Variants in PDXK observed in about 807,000 individuals in gnomAD.
PDXK encodes the protein epididymis secretory sperm binding protein Li 1a.
PDXK carries 15 observed loss-of-function variants against 43.2 expected under a neutral mutation model. That is an observed-to-expected ratio of 0.35 (90% CI 0.23 to 0.53). The LOEUF is 0.53. Among genes scored for constraint, PDXK ranks in the 20% least tolerant of loss-of-function variants. The pLI is 0.92. For synonymous variants in PDXK, 172 were observed against 165.4 expected (o/e 1.04, Z -0.31); for missense variants, 343 against 417.0 (o/e 0.82, Z 1.54).
At chr21:43,747,438 G>A (rs1346708165) in intron 5 of PDXK, among the ~76,000 whole-genome samples, 4 of 152,272 alleles carry the variant, frequency 2.6e-5, no homozygotes, top group Admixed American at 2.0e-4. Context: ...CACAGGGCAC[G>A]CCTGGGCCTG....
chr21:43,731,366 G>C (rs1034651076), intron 1 of PDXK, among the ~76,000 whole-genome samples: 1 of 152,244 alleles, frequency 6.6e-6, no homozygotes, highest in Non-Finnish European at 1.5e-5. Flanking sequence ...ATGGGAGAGA[G>C]ATCTCATCAC....
chr21:43,738,837 CT>C (rs2147250871), intron 2 of PDXK: 1 of 152,530 alleles, frequency 6.6e-6, no homozygotes, highest in South Asian at 2.1e-4. Context: ...AGTGACTGTA[CT>C]CAATAAATAG....
chr21:43,741,621 G>A (rs2083531919), intron 2 of PDXK, 46 bp from the exon 3 acceptor site: 9 of 1,597,374 alleles, frequency 5.6e-6, no homozygotes, highest in East Asian at 4.5e-5. Context: ...CACGGCCCCA[G>A]CTGGCCCCCT....
In PDXK at chr21:43,734,297, G is replaced by A. The variant is rs2083369481; in HGVS notation, c.142+174G>A. Among the ~76,000 whole-genome samples, 1 of 152,144 alleles carries A rather than the reference G, an allele frequency of 6.6e-6. No individual in the cohort carries two copies. The highest frequency in any genetic ancestry group is 2.4e-5 in the African/African-American group (1 of 41,430). ...GGCAGAGCCTGCACAGCATATCAGGGTGTAGGCCTGGGTGGCCTCGCCTCT... is the reference window on the plus strand; with the variant it reads ...GGCAGAGCCTGCACAGCATATCAGGATGTAGGCCTGGGTGGCCTCGCCTCT... On this transcript the variant is annotated intron_variant, in intron 2 of 10. Coordinates refer to ENST00000291565, the MANE Select transcript of PDXK (RefSeq NM_003681.5). The surrounding 1 kb of genome is among the most constrained non-coding windows in gnomAD (Gnocchi z 5.0).
At chr21:43,733,629 T>C in intron 1 of PDXK, 1 of 1,043,648 alleles carries the variant, frequency 9.6e-7, no homozygotes, top group Non-Finnish European at 1.2e-6. Flanking sequence ...CCTGACTTCT[T>C]CCAAGGGGTG....
At chr21:43,742,642 C>T (rs1462745774) in intron 3 of PDXK, among the ~76,000 whole-genome samples, 1 of 152,142 alleles carries the variant, frequency 6.6e-6, no homozygotes, top group Non-Finnish European at 1.5e-5. Context: ...TTTGGGAAGA[C>T]TAGGAGGGAG....
In PDXK at chr21:43,759,692, C is replaced by T. The variant is rs553737090; in HGVS notation, c.*3629C>T. 1 of 152,576 alleles carries T rather than the reference C, an allele frequency of 6.6e-6. No individual in the cohort carries two copies. Among genetic ancestry groups the T allele is most frequent in the Non-Finnish European group, 1.5e-5 (1 of 68,126 alleles). 9.5% of individuals were successfully genotyped at this position (152,576 alleles called of 1,614,324 possible). On this transcript the variant is annotated 3_prime_UTR_variant, in exon 11 of 11. Transcript: ENST00000291565. ...AGACAGGGAAACGAGAACTTTGGAC[C>T]TGGCTTTCTGAGTCCAGGTGAGAGC...
In PDXK at chr21:43,719,209, C is replaced by T; in HGVS notation, c.-86C>T. ...CAGCCGAGGGGAGCCGGGGCCGGAG[C>T]CCGAGCCCGAGCCGAGCCGGAGCCC... On this transcript the variant is annotated 5_prime_UTR_variant, in exon 1 of 11. Transcript: ENST00000291565. The T allele has an allele frequency of 4.3e-6, 3 of 693,470 alleles. No individual in the cohort carries two copies. Among genetic ancestry groups the T allele is most frequent in the Non-Finnish European group, 6.0e-6 (3 of 501,038 alleles). 43.0% of individuals were successfully genotyped at this position (693,470 alleles called of 1,614,324 possible).
chr21:43,737,590 T>G lies in PDXK; in HGVS notation c.142+3467T>G. The G allele has an allele frequency of 1.0e-6, 1 of 990,636 alleles. No individual in the cohort carries two copies. Among genetic ancestry groups the G allele is most frequent in the Non-Finnish European group, 1.2e-6 (1 of 833,296 alleles). The allele number at this position is 990,636 out of a possible 1,614,324, so 61.4% of individuals were successfully genotyped here. On this transcript the variant is annotated intron_variant, in intron 2 of 10. Transcript: ENST00000291565. The surrounding 1 kb of genome is among the most constrained non-coding windows in gnomAD (Gnocchi z 4.8). ...AGAGGGGATGGGACAGGTGCCCTGC[T>G]GCTGGGCTTGGTGGTCCCTGCTGCA...
intron 7 of PDXK, among the ~76,000 whole-genome samples, chr21:43,751,988 C>T (rs954190592): frequency 3.1e-4 from 47 of 152,214 alleles, no homozygotes; most frequent in Admixed American, 1.3e-4. Context: ...CCACTCCTCC[C>T]ACTCGGAGGC....
intron 2 of PDXK, among the ~76,000 whole-genome samples, chr21:43,740,641 C>T (rs1218521585): frequency 6.6e-6 from 1 of 151,852 alleles, no homozygotes; most frequent in Non-Finnish European, 1.5e-5. Context: ...GCTGGTGGTC[C>T]CGCCTGCAGG....
chr21:43,726,591 A>G (rs1457947617), intron 1 of PDXK, among the ~76,000 whole-genome samples: 1 of 152,050 alleles, frequency 6.6e-6, no homozygotes, highest in Non-Finnish European at 1.5e-5. Context: ...GTATTTTGGT[A>G]GAGACGGGGT....
Position 43,758,216 on chromosome 21 carries a change from T to C in PDXK, c.*2153T>C, listed in dbSNP as rs569210782. The stretch of plus-strand genomic sequence containing the variant: ...GGCTGAGTCCCCACATCAGCTTTAG[T>C]TCTTGGACTTCCCTGTATTAAGCAA... On this transcript the variant is annotated 3_prime_UTR_variant, in exon 11 of 11. Coordinates refer to ENST00000291565, the MANE Select transcript of PDXK (RefSeq NM_003681.5). 15 of 153,838 alleles carry C rather than the reference T, an allele frequency of 9.8e-5. No homozygotes were observed. In the East Asian group the frequency reaches 2.7e-3, roughly 28 times the overall value. The allele number at this position is 153,838 out of a possible 1,614,324, so 9.5% of individuals were successfully genotyped here.
At chr21:43,752,144 G>A (rs748396213) in intron 7 of PDXK, among the ~76,000 whole-genome samples, 5 of 152,044 alleles carry the variant, frequency 3.3e-5, no homozygotes, top group South Asian at 2.1e-4. Flanking sequence ...CGTGCTGCCC[G>A]ATCTGAGGCA....
intron 2 of PDXK, among the ~76,000 whole-genome samples, chr21:43,739,842 C>T (rs965226013): frequency 4.6e-5 from 7 of 151,890 alleles, no homozygotes; most frequent in Non-Finnish European, 7.4e-5. Context: ...TATCAAAATC[C>T]GAGGGCAGAA....
intron 2 of PDXK, among the ~76,000 whole-genome samples, chr21:43,740,415 C>T (rs548710483): frequency 2.0e-5 from 3 of 152,070 alleles, no homozygotes; most frequent in Non-Finnish European, 4.4e-5. Context: ...TCTAGGAACC[C>T]ATACATCAGT....
intron 1 of PDXK, among the ~76,000 whole-genome samples, chr21:43,733,172 A>G (rs1292112687): frequency 2.0e-5 from 3 of 151,860 alleles, no homozygotes; most frequent in Non-Finnish European, 4.4e-5. Context: ...GTAAGCAGAT[A>G]GCTCAACTCA....
rs140128637 is a variant in PDXK at position 43,728,031 on chromosome 21, C to T, written c.88-6038C>T. On this transcript the variant is annotated intron_variant, in intron 1 of 10. Transcript: ENST00000291565. ...GCCCAGCTGGTGCACGGTCCCTCTG[C>T]GGCACTGTGAGCCTGGAAGTAGGGA... is the stretch of plus-strand genomic sequence containing the variant. Among the ~76,000 whole-genome samples, 101 of 152,344 alleles carry T rather than the reference C, an allele frequency of 6.6e-4. 1 individual carries two copies. Among genetic ancestry groups the T allele is most frequent in the African/African-American group, 2.3e-3 (96 of 41,582 alleles).
At position 43,734,610 on chromosome 21, in the gene PDXK, C is replaced by T. The variant is rs1601796642; in HGVS notation, c.142+487C>T. ...GGATGTGTAGGTGGTTCTGGGTTTT[C>T]TCTGTTAACAGCAGTGCTGCAGGGC... On this transcript the variant is annotated intron_variant, in intron 2 of 10. Transcript: ENST00000291565. The surrounding 1 kb of genome is among the most constrained non-coding windows in gnomAD (Gnocchi z 5.0). Among the ~76,000 whole-genome samples the T allele has an allele frequency of 1.3e-5, 2 of 152,128 alleles. No individual in the cohort carries two copies. The highest frequency in any genetic ancestry group is 2.1e-4 in the South Asian group (1 of 4,832).
Sources: gnomAD v4.1 joint callset for allele counts (sites outside exome capture counted in the v4.1 genomes callset) on GRCh38, gnomAD v4.1.1 for gene constraint, Gnocchi (gnomAD v3.1) non-coding constraint, MANE v1.5 for transcripts, NCBI Gene and HGNC (gene_info 2026-07-23, HGNC 2026-07-21) for gene names.